The following ITPR3 variants were observed in gnomAD, a reference collection of about 807,000 sequenced individuals.
ITPR3 encodes inositol 1,4,5-trisphosphate-gated calcium channel ITPR3.
Under a neutral mutation model 293.2 loss-of-function variants are expected in ITPR3, and 173 were observed. The observed-to-expected ratio is 0.59, with a 90% confidence interval of 0.52 to 0.67. The LOEUF (loss-of-function observed/expected upper bound fraction) is 0.67. ITPR3 is among the 30% of genes least tolerant of loss of function. ITPR3 has a pLI of 0.00. For synonymous variants in ITPR3, 1,295 were observed against 1,444.4 expected (o/e 0.90, Z 2.35); for missense variants, 2,796 against 3,592.1 (o/e 0.78, Z 5.66).
In ITPR3 at chr6:33,678,816, T is replaced by G. The variant is rs552348342; in HGVS notation, c.3949T>G (p.Cys1317Gly). ...GGCCGAGGGCAAGTACGTCAAGAAG[T>G]GCCAGGACATGATCATGACTGAGGT... is the stretch of plus-strand genomic sequence containing the variant. The part of the protein sequence containing the change: ...IKAEGKYVKK[C>G]QDMIMTELTN... Residue 1317 changes from cysteine (C) to glycine (G), a missense_variant, in exon 30 of 58, where the codon TGC becomes GGC. By Grantham distance (159) the Cys-to-Gly change is radical. This residue lies in a region of ITPR3 where 344 missense variants were observed against 460.3 expected (regional missense o/e 0.75). Coordinates refer to ENST00000605930, the MANE Select transcript of ITPR3 (RefSeq NM_002224.4). 1 of 1,612,418 alleles carries G rather than the reference T, an allele frequency of 6.2e-7. No homozygotes were observed. Among genetic ancestry groups the G allele is most frequent in the Non-Finnish European group, 8.5e-7 (1 of 1,179,576 alleles).
chr6:33,691,969 C>G lies in ITPR3; in HGVS notation c.7458+41C>G, dbSNP rs754308034. On this transcript the variant is annotated intron_variant, in intron 54 of 57. Transcript: ENST00000605930. This position sits in a 1 kb window ranked among gnomAD's most constrained non-coding sequence, Gnocchi z 4.9. ...CACTCCCAAACCTGTGGGGCCCAAG[C>G]CACTGTCCAGATCAGCAACTGTGGA... 41 of 1,612,274 alleles carry G rather than the reference C, an allele frequency of 2.5e-5. No homozygotes were observed. The South Asian group carries it at 3.8e-4, about 15-fold the overall frequency.
chr6:33,649,344 G>A (rs1485494031), intron 2 of ITPR3, among the ~76,000 whole-genome samples: 1 of 152,242 alleles, frequency 6.6e-6, no homozygotes, highest in Non-Finnish European at 1.5e-5. Context: ...TCCTGTCTCA[G>A]TCTCCCAAGT....
chr6:33,663,074 T>C (rs934030061), intron 9 of ITPR3, 68 bp downstream of exon 9: 30 of 1,335,866 alleles, frequency 2.2e-5, no homozygotes, highest in Non-Finnish European at 2.9e-5. Context: ...CGGGAACATG[T>C]GTGCACATAC....
rs373061239 is a variant in ITPR3 at position 33,684,333 on chromosome 6, G to A, written c.4938-24G>A. The A allele has an allele frequency of 3.3e-5, 53 of 1,608,866 alleles. No homozygotes were observed. Among genetic ancestry groups the A allele is most frequent in the Middle Eastern group, 1.7e-4 (1 of 6,052 alleles). ...GAGGGAGGCAGTGTGGGGCTGCCCT[G>A]AGCTGCCTCCTTGGCCGGCTCAGGC... On this transcript the variant is annotated intron_variant, in intron 36 of 57. Coordinates refer to ENST00000605930, the MANE Select transcript of ITPR3 (RefSeq NM_002224.4). The surrounding 1 kb of genome is among the most constrained non-coding windows in gnomAD (Gnocchi z 4.2).
chr6:33,663,530 G>C lies in ITPR3; in HGVS notation c.985G>C (p.Asp329His), dbSNP rs531675784. The C allele has an allele frequency of 2.5e-6, 4 of 1,606,488 alleles. No homozygotes were observed. The African/African-American group carries it at 5.3e-5, about 21-fold the overall frequency. ...ENPSYKGDAS[D>H]PKAAGMGAQG... Reference sequence around the variant, plus strand: ...CCCCAGTTACAAAGGTGATGCCTCAGATCCCAAGGCAGCAGGAATGGTGAG... The same window carrying C: ...CCCCAGTTACAAAGGTGATGCCTCACATCCCAAGGCAGCAGGAATGGTGAG... The change falls in exon 10 of 58, where the codon GAT becomes CAT. Residue 329 changes from aspartate (D) to histidine (H), a missense_variant. Coordinates refer to ENST00000605930, the MANE Select transcript of ITPR3 (RefSeq NM_002224.4).
At chr6:33,635,893 G>A (rs1420594327) in intron 1 of ITPR3, among the ~76,000 whole-genome samples, 7 of 152,022 alleles carry the variant, frequency 4.6e-5, no homozygotes, top group Non-Finnish European at 5.9e-5. Context: ...GGTGGACCAC[G>A]TGGGTCTTTC....
At chr6:33,673,516 A>G (rs890333841) in intron 22 of ITPR3, 75 bp from the exon 23 acceptor site, 2 of 1,572,872 alleles carry the variant, frequency 1.3e-6, no homozygotes, top group African/African-American at 2.7e-5. Context: ...CCTGCCCCCC[A>G]TAAAGTAGGA....
intron 22 of ITPR3, 74 bp from the exon 23 acceptor site, chr6:33,673,517 T>C (rs1420942284): frequency 7.0e-6 from 11 of 1,573,442 alleles, no homozygotes; most frequent in Non-Finnish European, 8.7e-6. Context: ...CTGCCCCCCA[T>C]AAAGTAGGAA....
At chr6:33,648,704 G>A (rs1020514882) in intron 2 of ITPR3, among the ~76,000 whole-genome samples, 2 of 151,034 alleles carry the variant, frequency 1.3e-5, no homozygotes, top group Admixed American at 6.6e-5. Context: ...CAATCCTCCC[G>A]CCTCAAGCCT....
At position 33,692,720 on chromosome 6, in the gene ITPR3, C is replaced by A; in HGVS notation, c.7459-8C>A. Reference sequence around the variant, plus strand: ...CCGGGCCCAGCCTCCCTGCCTCATCCCCTGCAGGAGTCTCTCTTCCCAGCC... The same window carrying A: ...CCGGGCCCAGCCTCCCTGCCTCATCACCTGCAGGAGTCTCTCTTCCCAGCC... On this transcript the variant is annotated splice_region_variant and splice_polypyrimidine_tract_variant and intron_variant, in intron 54 of 57. Coordinates refer to ENST00000605930, the MANE Select transcript of ITPR3 (RefSeq NM_002224.4). The surrounding 1 kb of genome is among the most constrained non-coding windows in gnomAD (Gnocchi z 4.2). 1 of 1,613,650 alleles carries A rather than the reference C, an allele frequency of 6.2e-7. No individual in the cohort carries two copies. The highest frequency in any genetic ancestry group is 8.5e-7 in the Non-Finnish European group (1 of 1,179,704).
chr6:33,662,854 C>A, intron 8 of ITPR3, 57 bp from the exon 9 acceptor site: 2 of 1,533,446 alleles, frequency 1.3e-6, no homozygotes, highest in South Asian at 2.4e-5. Flanking sequence ...TCCCTGGGGT[C>A]TGACTCCCCA....
chr6:33,648,223 G>A (rs1455786921), intron 2 of ITPR3, among the ~76,000 whole-genome samples: 1 of 151,542 alleles, frequency 6.6e-6, no homozygotes. Flanking sequence ...GCGTCACCAC[G>A]CCTGGCTAAT....
chr6:33,695,063 A>G lies in ITPR3; in HGVS notation c.7925A>G (p.Gln2642Arg). The G allele has an allele frequency of 6.2e-7, 1 of 1,613,900 alleles. No homozygotes were observed. Among genetic ancestry groups the G allele is most frequent in the Non-Finnish European group, 8.5e-7 (1 of 1,180,006 alleles). The change falls in exon 57 of 58, where the codon CAG (glutamine) becomes CGG (arginine). Residue 2642 changes from glutamine to arginine, a missense_variant. Transcript: ENST00000605930. ...AAGCTGGTGTCCCACCTCACTGCCC[A>G]GCTCAACGAGCTCAAGGAGCAGGTG... ...TMKLVSHLTA[Q>R]LNELKEQMTE...
chr6:33,663,376 C>T lies in ITPR3; in HGVS notation c.955-124C>T. ...GCTCCCCTGGAATGATATGGGCACC[C>T]CTGGGAGGGTGCAGCCTGCCTGCCC... On this transcript the variant is annotated intron_variant, in intron 9 of 57. Transcript: ENST00000605930. 8 of 758,548 alleles carry T rather than the reference C, an allele frequency of 1.1e-5. 1 individual carries two copies. The Middle Eastern group carries it at 1.9e-3, about 176-fold the overall frequency. The allele number at this position is 758,548 out of a possible 1,614,324, so 47.0% of individuals were successfully genotyped here.
chr6:33,653,647 T>G (rs574733592), intron 2 of ITPR3, among the ~76,000 whole-genome samples: 58 of 152,338 alleles, frequency 3.8e-4, no homozygotes, highest in Non-Finnish European at 6.9e-4. Flanking sequence ...ACACTGCTCA[T>G]AGATGTCCAC....
Position 33,684,906 on chromosome 6 carries a change from C to T in ITPR3, c.5270C>T (p.Ala1757Val). 6.2e-7 allele frequency: 1 copy of T among 1,613,472 alleles called. No homozygotes were observed. The highest frequency in any genetic ancestry group is 8.5e-7 in the Non-Finnish European group (1 of 1,179,608). The change falls in exon 39 of 58, where the codon GCC becomes GTC. Residue 1757 changes from alanine to valine, a missense_variant. This residue lies in a region of ITPR3 where 704 missense variants were observed against 797.5 expected (regional missense o/e 0.88). Transcript: ENST00000605930. This position sits in a 1 kb window ranked among gnomAD's most constrained non-coding sequence, Gnocchi z 4.2. ...ATCTTCCAGGAGAGCATCGGCCTGG[C>T]CATCCACCTGCTGGATGGTGGCAAC... ...EKIFQESIGL[A>V]IHLLDGGNTE...
chr6:33,677,224 C>T, intron 27 of ITPR3, 135 bp downstream of exon 27: 1 of 868,850 alleles, frequency 1.2e-6, no homozygotes, highest in Non-Finnish European at 1.8e-6. Flanking sequence ...GCCTTTGCTG[C>T]ACATTAAAAA....
rs766318905 is a variant in ITPR3, at chr6:33,668,610, A to G, written c.1982A>G (p.Asn661Ser). ...TGCAAGTGTGTGCTGGACCCCAAGA[A>G]CAGTGACATTCTCATCCGGACCGAG... ...LICKCVLDPKNSDILIRTELR... is the reference protein window; with the variant it reads ...LICKCVLDPKSSDILIRTELR... Residue 661 changes from asparagine to serine, a missense_variant, in exon 17 of 58, where the codon AAC (asparagine) becomes AGC (serine). Physicochemically the swap from Asn to Ser is conservative, Grantham distance 46 (BLOSUM62 1). Around this residue, in one of 8 missense-constraint regions of ITPR3, gnomAD observed 955 missense variants for 1,180.8 expected, o/e 0.81. Transcript: ENST00000605930. 2 of 1,614,212 alleles carry G rather than the reference A, an allele frequency of 1.2e-6. No individual in the cohort carries two copies. Among genetic ancestry groups the G allele is most frequent in the Non-Finnish European group, 1.7e-6 (2 of 1,180,034 alleles).
intron 25 of ITPR3, among the ~76,000 whole-genome samples, chr6:33,676,544 C>T (rs1009983435): frequency 2.0e-5 from 3 of 152,230 alleles, no homozygotes; most frequent in African/African-American, 7.2e-5. Context: ...TATGTGGCAG[C>T]TCAGGGCAGG....
Sources: gnomAD v4.1 joint callset for allele counts (sites outside exome capture counted in the v4.1 genomes callset) on GRCh38, gnomAD v4.1.1 for gene constraint, gnomAD v4.1.1 regional missense constraint, Gnocchi (gnomAD v3.1) non-coding constraint, MANE v1.5 for transcripts, NCBI Gene and HGNC (gene_info 2026-07-23, HGNC 2026-07-21) for gene names.